Variants in TAFA4 observed in about 807,000 individuals in gnomAD.
TAFA4 encodes chemokine-like protein TAFA-4.
Under a neutral mutation model 21.1 loss-of-function variants are expected in TAFA4, and 20 were observed. The observed-to-expected ratio is 0.95, with a 90% CI of 0.67 to 1.38. TAFA4 has a LOEUF of 1.38. Ranked by LOEUF, TAFA4 falls within the 40% of genes most tolerant of loss-of-function variation. The probability of loss-of-function intolerance (pLI) is 0.00; values close to 1 mark genes in which losing one functional copy is unlikely to be tolerated. For missense variants in TAFA4, 211 were observed against 180.9 expected, an observed-to-expected ratio of 1.17 and a Z score of -0.95; for synonymous variants, 71 against 67.4, an observed-to-expected ratio of 1.05 and a Z score of -0.26.
intron 1 of TAFA4, among the ~76,000 whole-genome samples, chr3:68,917,753 CAAAAAAAA>C (rs55853026): frequency 0.021 from 1,238 of 58,210 alleles, 17 homozygotes; most frequent in African/African-American, 0.04. Flanking sequence ...GACTCTGTCT[CAAAAAAAA>C]AAAAAAAAAA....
intron 4 of TAFA4, among the ~76,000 whole-genome samples, chr3:68,743,748 C>G: frequency 6.6e-6 from 1 of 152,212 alleles, no homozygotes; most frequent in Non-Finnish European, 1.5e-5. Flanking sequence ...CAGATGGTAC[C>G]ACAGATAAAA....
At chr3:68,819,136 G>T (rs1051467511) in intron 3 of TAFA4, among the ~76,000 whole-genome samples, 7 of 152,146 alleles carry the variant, frequency 4.6e-5, no homozygotes, top group Admixed American at 3.9e-4. Context: ...AGCTGGCATG[G>T]TGACACAAAC....
At position 68,741,516 on chromosome 3, in the gene TAFA4, C is replaced by A. The variant is rs566495976; in HGVS notation, c.287-2317G>T. On this transcript the variant is annotated intron_variant, in intron 4 of 5. Transcript: ENST00000295569. The stretch of plus-strand genomic sequence containing the variant: ...CCTGGTATTTAAAGAAGAACTTGGC[C>A]GGGTGCCGTGACTCATGCCTGTAAT... Among the ~76,000 whole-genome samples the A allele has an allele frequency of 2.6e-5, 4 of 152,040 alleles. No homozygotes were observed. In the East Asian group the frequency reaches 7.7e-4, roughly 29 times the overall value.
At chr3:68,740,626 C>G (rs920080035) in intron 4 of TAFA4, among the ~76,000 whole-genome samples, 2 of 152,192 alleles carry the variant, frequency 1.3e-5, no homozygotes, top group African/African-American at 2.4e-5. Context: ...CAAATATTTT[C>G]TACCATTCTC....
intron 3 of TAFA4, among the ~76,000 whole-genome samples, chr3:68,759,602 A>G (rs995090053): frequency 6.6e-6 from 1 of 152,204 alleles, no homozygotes; most frequent in Non-Finnish European, 1.5e-5. Context: ...CAGCAGGGGA[A>G]CATAATGGTG....
At chr3:68,827,845 G>A (rs1479694849) in intron 3 of TAFA4, among the ~76,000 whole-genome samples, 2 of 152,146 alleles carry the variant, frequency 1.3e-5, no homozygotes, top group Admixed American at 1.3e-4. Context: ...TGTTCACTCT[G>A]ATGATAGTTT....
At chr3:68,761,685 T>C (rs1054271474) in intron 3 of TAFA4, among the ~76,000 whole-genome samples, 2 of 152,206 alleles carry the variant, frequency 1.3e-5, no homozygotes, top group African/African-American at 2.4e-5. Flanking sequence ...AATGACTTAA[T>C]GTGACATATA....
At chr3:68,865,010 A>G (rs538615886) in intron 3 of TAFA4, among the ~76,000 whole-genome samples, 1 of 152,234 alleles carries the variant, frequency 6.6e-6, no homozygotes, top group African/African-American at 2.4e-5. Context: ...TTTGGGGTGA[A>G]GGGTTTATTC....
chr3:68,809,463 A>G (rs1703781266), intron 3 of TAFA4, among the ~76,000 whole-genome samples: 1 of 151,930 alleles, frequency 6.6e-6, no homozygotes, highest in East Asian at 1.9e-4. Flanking sequence ...TAGTTTTGAA[A>G]TATGCAAATT....
At chr3:68,748,745 A>G (rs1253705601) in intron 4 of TAFA4, among the ~76,000 whole-genome samples, 6 of 146,842 alleles carry the variant, frequency 4.1e-5, no homozygotes, top group Non-Finnish European at 1.5e-5. Context: ...CTCCGTCTCA[A>G]AAAAAAAAAA....
chr3:68,818,592 G>A (rs982039808), intron 3 of TAFA4, among the ~76,000 whole-genome samples: 7 of 152,176 alleles, frequency 4.6e-5, no homozygotes, highest in African/African-American at 1.4e-4. Context: ...TTCACTTGAA[G>A]ACTTAGGAGC....
At chr3:68,851,200 G>A (rs1704940036) in intron 3 of TAFA4, among the ~76,000 whole-genome samples, 1 of 152,128 alleles carries the variant, frequency 6.6e-6, no homozygotes, top group Non-Finnish European at 1.5e-5. Context: ...CAGGGACATG[G>A]ATGGAGCTGG....
chr3:68,832,235 G>C (rs1045081758), intron 3 of TAFA4, among the ~76,000 whole-genome samples: 1 of 152,190 alleles, frequency 6.6e-6, no homozygotes, highest in Non-Finnish European at 1.5e-5. Flanking sequence ...GTGAGGAGCT[G>C]TGTTCCTTTG....
chr3:68,800,671 C>G (rs1703558594), intron 3 of TAFA4, among the ~76,000 whole-genome samples: 1 of 152,234 alleles, frequency 6.6e-6, no homozygotes, highest in African/African-American at 2.4e-5. Flanking sequence ...ACTTGCTTCT[C>G]AGCTCGCCAG....
At chr3:68,800,319 TGAG>T (rs1388689667) in intron 3 of TAFA4, among the ~76,000 whole-genome samples, 2 of 152,092 alleles carry the variant, frequency 1.3e-5, no homozygotes, top group Non-Finnish European at 2.9e-5. Flanking sequence ...TCCAGCACTA[TGAG>T]ATGATAAATT....
intron 3 of TAFA4, among the ~76,000 whole-genome samples, chr3:68,863,396 T>A (rs1038750714): frequency 6.6e-6 from 1 of 152,114 alleles, no homozygotes; most frequent in Non-Finnish European, 1.5e-5. Flanking sequence ...ATTTTTTCCA[T>A]CAAAATGCCA....
chr3:68,783,176 C>G (rs1665908578), intron 3 of TAFA4, among the ~76,000 whole-genome samples: 1 of 152,170 alleles, frequency 6.6e-6, no homozygotes, highest in Admixed American at 6.5e-5. Context: ...CAAACATACA[C>G]AACTATGAAG....
chr3:68,761,070 C>T (rs776894680), intron 3 of TAFA4, among the ~76,000 whole-genome samples: 114 of 152,174 alleles, frequency 7.5e-4, no homozygotes, highest in Admixed American at 1.7e-3. Flanking sequence ...GGGTATTGAA[C>T]TTAAGAGTCA....
chr3:68,796,284 T>C (rs749931322), intron 3 of TAFA4, among the ~76,000 whole-genome samples: 1 of 152,150 alleles, frequency 6.6e-6, no homozygotes, highest in Non-Finnish European at 1.5e-5. Context: ...AACACCTGAT[T>C]ATAAGGTTCA....
Sources: allele counts gnomAD v4.1 joint callset (sites outside exome capture counted in the v4.1 genomes callset), GRCh38; gene constraint gnomAD v4.1.1; transcripts MANE v1.5; gene names NCBI Gene and HGNC (gene_info 2026-07-23, HGNC 2026-07-21).